Variants in PLCB4 observed in about 807,000 individuals in gnomAD.
PLCB4 encodes phospholipase C beta 4, also known as 1-phosphatidylinositol 4,5-bisphosphate phosphodiesterase beta-4.
Under a neutral mutation model 178.8 loss-of-function variants are expected in PLCB4, and 77 were observed. The observed-to-expected ratio is 0.43, with a 90% CI of 0.36 to 0.52. PLCB4 has a LOEUF of 0.52. Ranked by LOEUF, PLCB4 falls within the 20% of genes least tolerant of loss-of-function variation. The pLI is 0.00. For missense variants in PLCB4, 1,024 were observed against 1,453.4 expected, an observed-to-expected ratio of 0.70 and a Z score of 4.80; for synonymous variants, 496 against 490.8, an observed-to-expected ratio of 1.01 and a Z score of -0.14.
intron 34 of PLCB4, among the ~76,000 whole-genome samples, chr20:9,458,238 G>A (rs886851344): frequency 2.6e-5 from 4 of 152,176 alleles, no homozygotes; most frequent in Admixed American, 2.0e-4. Flanking sequence ...CAGGCAAGAT[G>A]TTCAAGATGT....
At chr20:9,357,866 A>C (rs1225097658) in intron 7 of PLCB4, among the ~76,000 whole-genome samples, 1 of 152,144 alleles carries the variant, frequency 6.6e-6, no homozygotes, top group South Asian at 2.1e-4. Context: ...AACCAAACTC[A>C]CATCTTATAT....
intron 1 of PLCB4, among the ~76,000 whole-genome samples, chr20:9,083,699 T>C (rs1164024172): frequency 7.9e-5 from 12 of 152,144 alleles, no homozygotes; most frequent in Admixed American, 7.9e-4. Context: ...TCATCAGTGG[T>C]ATAGACAAGT....
In PLCB4 at chr20:9,479,187, G is replaced by A. The variant is rs993359507; in HGVS notation, c.*178G>A. 7 of 580,924 alleles carry A rather than the reference G, an allele frequency of 1.2e-5. No individual in the cohort carries two copies. In the African/African-American group the frequency reaches 1.3e-4, roughly 11 times the overall value. 36.0% of individuals were successfully genotyped at this position (580,924 alleles called of 1,614,324 possible). A position where few individuals can be genotyped will look rare whatever the true frequency, so the allele number is the denominator to read the frequency against. ...ACAGCTTGAGTATTGCATTTCCTTG[G>A]CCAAACAAAAATAGCTACAAATCCA... On this transcript the variant is annotated 3_prime_UTR_variant, in exon 40 of 40. Coordinates refer to ENST00000378473, the MANE Select transcript of PLCB4 (RefSeq NM_001377142.1).
intron 2 of PLCB4, among the ~76,000 whole-genome samples, chr20:9,208,321 G>A (rs951369932): frequency 1.3e-5 from 2 of 152,136 alleles, no homozygotes; most frequent in Non-Finnish European, 2.9e-5. Context: ...GATATAATGA[G>A]TTAATATACA....
At chr20:9,476,338 T>A (rs1297532895) in intron 38 of PLCB4, among the ~76,000 whole-genome samples, 1 of 152,198 alleles carries the variant, frequency 6.6e-6, no homozygotes, top group Admixed American at 6.6e-5. Flanking sequence ...TGTCTTGACA[T>A]GTACCATTTC....
At position 9,385,819 on chromosome 20, in the gene PLCB4, C is replaced by T. The variant is rs538820762; in HGVS notation, c.1064+1408C>T. On this transcript the variant is annotated intron_variant, in intron 14 of 39. Coordinates refer to ENST00000378473, the MANE Select transcript of PLCB4 (RefSeq NM_001377142.1). Reference sequence around the variant, plus strand: ...CCCCACATCCCAGACGATGGGCAGCCAGGCAGAGATGCTCCCCACTTCCTA... The same window carrying T: ...CCCCACATCCCAGACGATGGGCAGCTAGGCAGAGATGCTCCCCACTTCCTA... 2.0e-5 allele frequency among the ~76,000 whole-genome samples: 3 copies of T among 152,076 alleles called. No homozygotes were observed. In the East Asian group the frequency reaches 5.8e-4, roughly 30 times the overall value.
At chr20:9,227,787 T>C (rs2093885437) in intron 3 of PLCB4, among the ~76,000 whole-genome samples, 1 of 152,160 alleles carries the variant, frequency 6.6e-6, no homozygotes, top group African/African-American at 2.4e-5. Context: ...TTCCCATTAT[T>C]ATTTTGGCTA....
chr20:9,423,621 G>T, intron 27 of PLCB4, 127 bp from the exon 28 acceptor site: 1 of 714,338 alleles, frequency 1.4e-6, no homozygotes, highest in South Asian at 1.7e-5. Flanking sequence ...AATGCAGATG[G>T]ATCATGGACT....
In PLCB4 at chr20:9,227,624, T is replaced by C. The variant is rs903209589; in HGVS notation, c.-16+10172T>C. 3.9e-5 allele frequency among the ~76,000 whole-genome samples: 6 copies of C among 152,144 alleles called. No homozygotes were observed. In the East Asian group the frequency reaches 1.2e-3, roughly 29 times the overall value. ...TCTTGGCACCCTTGTCAGGAGTCTA[T>C]TGGCTGTAGATTTGTGGGTTTATTT... On this transcript the variant is annotated intron_variant, in intron 3 of 39. Coordinates refer to ENST00000378473, the MANE Select transcript of PLCB4 (RefSeq NM_001377142.1).
chr20:9,166,047 G>T (rs2092965352), intron 2 of PLCB4, among the ~76,000 whole-genome samples: 1 of 152,038 alleles, frequency 6.6e-6, no homozygotes, highest in Non-Finnish European at 1.5e-5. Context: ...TATTATAAAG[G>T]AGAAAAACAG....
At chr20:9,472,696 A>C in intron 36 of PLCB4, 94 bp from the exon 37 acceptor site, 1 of 631,912 alleles carries the variant, frequency 1.6e-6, no homozygotes, top group Non-Finnish European at 2.7e-6. Flanking sequence ...AATTCCATCC[A>C]GAGAATTTGA....
chr20:9,147,571 A>G (rs1008544375), intron 2 of PLCB4, among the ~76,000 whole-genome samples: 14 of 152,098 alleles, frequency 9.2e-5, no homozygotes, highest in African/African-American at 3.4e-4. Flanking sequence ...CTAGGGGCTC[A>G]GCTAGCTGTT....
At chr20:9,236,599 C>G (rs1297152581) in intron 3 of PLCB4, among the ~76,000 whole-genome samples, 1 of 152,138 alleles carries the variant, frequency 6.6e-6, no homozygotes, top group East Asian at 1.9e-4. Context: ...GTAACAGATG[C>G]TGATTTTTAA....
chr20:9,132,798 A>G (rs1176479870), intron 2 of PLCB4, among the ~76,000 whole-genome samples: 3 of 152,176 alleles, frequency 2.0e-5, no homozygotes, highest in African/African-American at 2.4e-5. Flanking sequence ...CACTGCCTCT[A>G]GGGCAATGGT....
At chr20:9,327,113 A>G (rs2030729420) in intron 4 of PLCB4, among the ~76,000 whole-genome samples, 1 of 152,074 alleles carries the variant, frequency 6.6e-6, no homozygotes, top group Admixed American at 6.5e-5. Flanking sequence ...TAGCAACATT[A>G]TAATGATTAT....
At chr20:9,433,825 G>A (rs187170809) in intron 28 of PLCB4, among the ~76,000 whole-genome samples, 30 of 152,208 alleles carry the variant, frequency 2.0e-4, no homozygotes, top group African/African-American at 4.1e-4. Context: ...TTGTTGAGAG[G>A]CAAAGAGTTC....
chr20:9,312,283 G>T (rs146807578), intron 4 of PLCB4, among the ~76,000 whole-genome samples: 1 of 151,256 alleles, frequency 6.6e-6, no homozygotes, highest in African/African-American at 2.4e-5. Context: ...CAGCTGCCTA[G>T]ATGGAGTCCC....
chr20:9,191,717 T>A (rs555745170), intron 2 of PLCB4, among the ~76,000 whole-genome samples: 8 of 152,120 alleles, frequency 5.3e-5, no homozygotes, highest in African/African-American at 1.9e-4. Context: ...CTGCTAGGGA[T>A]CTATAATACA....
In PLCB4 at chr20:9,307,844, GA is replaced by G; in HGVS notation, c.32del (p.Lys11ArgfsTer38). On this transcript the variant is annotated frameshift_variant, in exon 4 of 40. Coordinates refer to ENST00000378473, the MANE Select transcript of PLCB4 (RefSeq NM_001377142.1). LOFTEE classifies it high-confidence loss of function. MAKPYEFNWQKEVPSFLQEGA... is the reference protein window; with the variant it reads MAKPYEFNWQXEVPSFLQEGA... ...CCAAACCTTATGAATTTAACTGGCA[GA>G]AGGAAGTTCCCTCCTTTTTGCAAGA... 1 of 1,602,064 alleles carries G rather than the reference GA, an allele frequency of 6.2e-7. No individual in the cohort carries two copies. Among genetic ancestry groups the G allele is most frequent in the Non-Finnish European group, 8.5e-7 (1 of 1,170,400 alleles).
Sources: gnomAD v4.1 joint callset for allele counts (sites outside exome capture counted in the v4.1 genomes callset) on GRCh38, gnomAD v4.1.1 for gene constraint, MANE v1.5 for transcripts, NCBI Gene and HGNC (gene_info 2026-07-23, HGNC 2026-07-21) for gene names.